ALDH5A1: variants seen among roughly 807,000 people sequenced by gnomAD.
The protein encoded by ALDH5A1 is aldehyde dehydrogenase 5 family member A1.
ALDH5A1 carries 33 observed loss-of-function variants against 54.7 expected under a neutral mutation model. That is an observed-to-expected ratio of 0.60 (90% CI 0.46 to 0.81). ALDH5A1 has a LOEUF of 0.81. Among genes scored for constraint, ALDH5A1 ranks in the 30% least tolerant of loss-of-function variants. ALDH5A1 has a pLI of 0.00. For synonymous variants in ALDH5A1, 294 were observed against 292.7 expected, an observed-to-expected ratio of 1.00 and a Z score of -0.05; for missense variants, 657 against 711.0, an observed-to-expected ratio of 0.92 and a Z score of 0.86.
At chr6:24,530,035 C>A (rs905861697) in intron 8 of ALDH5A1, among the ~76,000 whole-genome samples, 3 of 151,950 alleles carry the variant, frequency 2.0e-5, no homozygotes, top group African/African-American at 7.2e-5. Context: ...TCCAGATATT[C>A]TTCTTCCTTT....
chr6:24,526,906 A>AC (rs1166389575), intron 7 of ALDH5A1, among the ~76,000 whole-genome samples: 1,088 of 33,314 alleles, frequency 0.033, 21 homozygotes, highest in African/African-American at 0.045. Context: ...TATATCTACT[A>AC]TATATATATT....
intron 5 of ALDH5A1, 59 bp downstream of exon 5, chr6:24,515,369 T>C: frequency 6.3e-7 from 1 of 1,574,920 alleles, no homozygotes; most frequent in South Asian, 1.1e-5. Context: ...TCTTGATAGG[T>C]TATAAAAATA....
intron 4 of ALDH5A1, chr6:24,511,732 CTTTTT>C: frequency 2.9e-6 from 1 of 350,436 alleles, no homozygotes; most frequent in Non-Finnish European, 5.0e-6. Context: ...TTTCTTGTAT[CTTTTT>C]TTTTTTTTTT....
intron 4 of ALDH5A1, among the ~76,000 whole-genome samples, chr6:24,505,767 G>A (rs866521099): frequency 7.2e-5 from 11 of 151,932 alleles, no homozygotes; most frequent in South Asian, 4.2e-4. Context: ...TCAGGAGTTC[G>A]AGACCAGCCT....
chr6:24,511,998 T>C, intron 4 of ALDH5A1: 1 of 401,466 alleles, frequency 2.5e-6, no homozygotes. Flanking sequence ...AGGCTGTTGT[T>C]CAGATTCTTT....
intron 4 of ALDH5A1, among the ~76,000 whole-genome samples, chr6:24,510,053 T>C (rs1259870430): frequency 6.6e-6 from 1 of 152,200 alleles, no homozygotes; most frequent in East Asian, 1.9e-4. Context: ...CTTGATTCCA[T>C]TTTTGACCTA....
At chr6:24,507,318 ATTT>A (rs4646839) in intron 4 of ALDH5A1, among the ~76,000 whole-genome samples, 10 of 150,204 alleles carry the variant, frequency 6.7e-5, no homozygotes, top group African/African-American at 9.7e-5. Context: ...CTTGGCTCAC[ATTT>A]TTTTTTTTTT....
chr6:24,526,867 A>G (rs939247711), intron 7 of ALDH5A1, among the ~76,000 whole-genome samples: 3 of 128,404 alleles, frequency 2.3e-5, no homozygotes, highest in Non-Finnish European at 4.7e-5. Context: ...TTCTATATAT[A>G]TATATCTTCT....
rs200824478 is a variant in ALDH5A1, at chr6:24,529,164, C to CT, written c.1343+1006dup. On this transcript the variant is annotated intron_variant, in intron 8 of 9. Transcript: ENST00000357578. ...TTACTCCTTTATCCACTTTTTTTTT[C>CT]TTTTTTTTGTTTTTTGTTTTGATAT... Among the ~76,000 whole-genome samples the CT allele has an allele frequency of 6.9e-3, 1,039 of 150,552 alleles. 7 individuals carry two copies. Among genetic ancestry groups the CT allele is most frequent in the Non-Finnish European group, 0.012 (802 of 67,540 alleles).
rs947338090 is a variant in ALDH5A1 at position 24,505,658 on chromosome 6, A to G, written c.726+673A>G. Among the ~76,000 whole-genome samples, 15 of 152,106 alleles carry G rather than the reference A, an allele frequency of 9.9e-5. No individual in the cohort carries two copies. The Middle Eastern group carries it at 0.017, about 172-fold the overall frequency. ...TTCCTCTCTCCCAGGGAGGCCTTCC[A>G]TGGCCACCCTGTCTAAAAATCACAA... is the stretch of plus-strand genomic sequence containing the variant. On this transcript the variant is annotated intron_variant, in intron 4 of 9. Coordinates refer to ENST00000357578, the MANE Select transcript of ALDH5A1 (RefSeq NM_001080.3).
At chr6:24,504,411 C>T (rs550791571) in intron 3 of ALDH5A1, among the ~76,000 whole-genome samples, 24 of 152,314 alleles carry the variant, frequency 1.6e-4, no homozygotes, top group Non-Finnish European at 3.2e-4. Flanking sequence ...ATTGCTAATA[C>T]TTACTCCCAT....
At chr6:24,503,164 A>G (rs988984385) in intron 2 of ALDH5A1, 99 bp from the exon 3 acceptor site, 9 of 1,439,610 alleles carry the variant, frequency 6.3e-6, no homozygotes, top group Non-Finnish European at 8.5e-6. Flanking sequence ...GTTATAGGAG[A>G]CTTTTCTACT....
Position 24,509,356 on chromosome 6 carries a change from C to G in ALDH5A1, c.726+4371C>G, listed in dbSNP as rs199560688. Reference sequence around the variant, plus strand: ...TGTGGCTTGCCAATTATCCCAGCACCATTTGTTGAGGGAGGATTCCCTCTT... The same window carrying G: ...TGTGGCTTGCCAATTATCCCAGCACGATTTGTTGAGGGAGGATTCCCTCTT... On this transcript the variant is annotated intron_variant, in intron 4 of 9. Coordinates refer to ENST00000357578, the MANE Select transcript of ALDH5A1 (RefSeq NM_001080.3). This position sits in a 1 kb window ranked among gnomAD's most constrained non-coding sequence, Gnocchi z 4.7. 1.3e-5 allele frequency among the ~76,000 whole-genome samples: 2 copies of G among 152,128 alleles called. No homozygotes were observed.
chr6:24,511,949 A>G (rs1348474226), intron 4 of ALDH5A1: 1 of 523,338 alleles, frequency 1.9e-6, no homozygotes, highest in African/African-American at 2.0e-5. Context: ...GTTTCTTCTT[A>G]TTGGGGTAGG....
At position 24,533,701 on chromosome 6, in the gene ALDH5A1, G is replaced by A. The variant is rs72552284; in HGVS notation, c.1597G>A (p.Gly533Arg). The change falls in exon 10 of 10, where the codon GGG becomes AGG. Residue 533 changes from glycine (G) to arginine (R), a missense_variant. This residue lies in a region of ALDH5A1 where 425 missense variants were observed against 516.4 expected (regional missense o/e 0.82). Coordinates refer to ENST00000357578, the MANE Select transcript of ALDH5A1 (RefSeq NM_001080.3). ...TCTGGAACTCAAGTATGTGTGTTAC[G>A]GGGGCTTGTAGGATTCTTTGGTTCT... ...EYLELKYVCY[G>R]GL is the part of the protein sequence containing the mutation. 52 of 1,613,988 alleles carry A rather than the reference G, an allele frequency of 3.2e-5. No individual in the cohort carries two copies. Among genetic ancestry groups the A allele is most frequent in the African/African-American group, 1.6e-4 (12 of 74,976 alleles).
intron 7 of ALDH5A1, among the ~76,000 whole-genome samples, chr6:24,524,020 C>A (rs1455096305): frequency 7.3e-6 from 1 of 137,190 alleles, no homozygotes; most frequent in Non-Finnish European, 1.5e-5. Context: ...GCGTCTCGCT[C>A]TGTTGCCCAG....
At chr6:24,530,261 T>C (rs1003067339) in intron 8 of ALDH5A1, among the ~76,000 whole-genome samples, 1 of 152,144 alleles carries the variant, frequency 6.6e-6, no homozygotes, top group South Asian at 2.1e-4. Flanking sequence ...ATCTCAACAA[T>C]TGTTTTTCCC....
At chr6:24,519,538 C>A (rs1461232568) in intron 5 of ALDH5A1, among the ~76,000 whole-genome samples, 1 of 151,968 alleles carries the variant, frequency 6.6e-6, no homozygotes, top group Non-Finnish European at 1.5e-5. Flanking sequence ...GCACTACAGC[C>A]TGGGCAACAG....
At chr6:24,523,189 T>C (rs559367776) in intron 7 of ALDH5A1, among the ~76,000 whole-genome samples, 53 of 152,232 alleles carry the variant, frequency 3.5e-4, no homozygotes, top group East Asian at 3.9e-4. Flanking sequence ...ATGATCAATG[T>C]TTGAGGCGAT....
Sources: gnomAD v4.1 joint callset for allele counts (sites outside exome capture counted in the v4.1 genomes callset) on GRCh38, gnomAD v4.1.1 for gene constraint, gnomAD v4.1.1 regional missense constraint, Gnocchi (gnomAD v3.1) non-coding constraint, MANE v1.5 for transcripts, NCBI Gene and HGNC (gene_info 2026-07-23, HGNC 2026-07-21) for gene names.